The following ABCC9 variants were observed in gnomAD, a reference collection of about 807,000 sequenced individuals.
The protein encoded by ABCC9 is ATP-binding cassette sub-family C member 9.
Under a neutral mutation model 188.3 loss-of-function variants are expected in ABCC9, and 95 were observed. That is an observed-to-expected ratio of 0.50 (90% CI 0.43 to 0.60). The LOEUF (loss-of-function observed/expected upper bound fraction) is 0.60, where lower values mean the gene tolerates loss of function less well. Among genes scored for constraint, ABCC9 ranks in the 20% least tolerant of loss-of-function variants. The probability of loss-of-function intolerance (pLI) is 0.00; values close to 1 mark genes in which losing one functional copy is unlikely to be tolerated. For synonymous variants in ABCC9, 659 were observed against 652.7 expected (o/e 1.01, Z -0.15); for missense variants, 1,102 against 1,876.3 (o/e 0.59, Z 7.62).
At chr12:21,854,392 G>T (rs1403966999) in intron 22 of ABCC9, among the ~76,000 whole-genome samples, 1 of 152,152 alleles carries the variant, frequency 6.6e-6, no homozygotes, top group Non-Finnish European at 1.5e-5. Context: ...TAGTTAAAGG[G>T]TAATTAAGAA....
At chr12:21,811,377 G>C (rs1942227536) in intron 36 of ABCC9, among the ~76,000 whole-genome samples, 1 of 152,100 alleles carries the variant, frequency 6.6e-6, no homozygotes. Flanking sequence ...TGCCAACATG[G>C]ACTTTGGAAT....
intron 18 of ABCC9, among the ~76,000 whole-genome samples, chr12:21,866,267 G>T (rs1945773260): frequency 6.6e-6 from 1 of 152,052 alleles, no homozygotes; most frequent in Admixed American, 6.6e-5. Context: ...AAAAGTAAAA[G>T]AAAACTACTG....
intron 12 of ABCC9, among the ~76,000 whole-genome samples, chr12:21,905,274 G>A (rs1295404890): frequency 1.3e-5 from 2 of 151,998 alleles, no homozygotes; most frequent in Admixed American, 1.3e-4. Flanking sequence ...TGGGGTGTGG[G>A]GAGAGGGGAG....
intron 16 of ABCC9, among the ~76,000 whole-genome samples, chr12:21,876,710 G>C (rs1433765272): frequency 6.6e-6 from 1 of 152,160 alleles, no homozygotes; most frequent in Non-Finnish European, 1.5e-5. Context: ...CAGATGAGGG[G>C]AGGAAAGGCT....
chr12:21,825,366 C>A (rs1591992977), intron 31 of ABCC9, among the ~76,000 whole-genome samples: 1 of 152,138 alleles, frequency 6.6e-6, no homozygotes, highest in African/African-American at 2.4e-5. Context: ...CAGCACTGCT[C>A]ACAATAGCAG....
At chr12:21,908,543 G>C (rs1160120688) in intron 10 of ABCC9, among the ~76,000 whole-genome samples, 1 of 151,934 alleles carries the variant, frequency 6.6e-6, no homozygotes. Flanking sequence ...GTAGTCTTCA[G>C]ATTTTTAAAA....
intron 4 of ABCC9, among the ~76,000 whole-genome samples, chr12:21,927,886 A>T (rs1272389263): frequency 6.6e-6 from 1 of 152,164 alleles, no homozygotes; most frequent in Non-Finnish European, 1.5e-5. Flanking sequence ...TCAGTACAGA[A>T]ATTAGGAAAT....
Position 21,814,526 on chromosome 12 carries a change from T to G in ABCC9, c.4102+118A>C, listed in dbSNP as rs546852989. 8.5e-6 allele frequency: 7 copies of G among 823,322 alleles called. No individual in the cohort carries two copies. In the East Asian group the frequency reaches 1.6e-4, roughly 19 times the overall value. 51.0% of individuals were successfully genotyped at this position (823,322 alleles called of 1,614,324 possible). ...TTTGGGATATCTGCCTTGAACCATG[T>G]GTAGAGCACAAAGTCCTTATAAATA... On this transcript the variant is annotated intron_variant, in intron 35 of 39. Coordinates refer to ENST00000261200, the MANE Select transcript of ABCC9 (RefSeq NM_020297.4).
chr12:21,924,909 T>C (rs1205652547), intron 5 of ABCC9: 1 of 152,158 alleles, frequency 6.6e-6, no homozygotes, highest in African/African-American at 2.4e-5. Flanking sequence ...AGATTGCCTT[T>C]AACAATCATA....
In ABCC9 at chr12:21,799,108, G is replaced by C; in HGVS notation, c.*1936C>G. On this transcript the variant is annotated 3_prime_UTR_variant, in exon 40 of 40. Coordinates refer to ENST00000261200, the MANE Select transcript of ABCC9 (RefSeq NM_020297.4). ...TCTGGGGACTGTGGTGGGGTGGGGG[G>C]AGTGGGGAGGGATAGCATTGGGAGA... is the stretch of plus-strand genomic sequence containing the variant. 6.8e-6 allele frequency: 1 copy of C among 146,586 alleles called. No individual in the cohort carries two copies. Among genetic ancestry groups the C allele is most frequent in the African/African-American group, 2.5e-5 (1 of 39,674 alleles). The allele number at this position is 146,586 out of a possible 1,614,324, so 9.1% of individuals were successfully genotyped here. A position where few individuals can be genotyped will look rare whatever the true frequency, so the allele number is the denominator to read the frequency against.
chr12:21,895,912 G>A (rs1947380406), intron 12 of ABCC9, among the ~76,000 whole-genome samples: 1 of 151,914 alleles, frequency 6.6e-6, no homozygotes, highest in South Asian at 2.1e-4. Flanking sequence ...ATTTTAGCTT[G>A]AAATACTAGT....
At chr12:21,893,953 T>C (rs1947287199) in intron 14 of ABCC9, 79 bp downstream of exon 14, 2 of 1,444,610 alleles carry the variant, frequency 1.4e-6, no homozygotes, top group African/African-American at 1.4e-5. Context: ...TTCTTTTTTA[T>C]ATTTTTTCAA....
chr12:21,815,576 G>A lies in ABCC9; in HGVS notation c.4023+187C>T, dbSNP rs376425447. Among the ~76,000 whole-genome samples the A allele has an allele frequency of 7.9e-5, 12 of 152,088 alleles. No individual in the cohort carries two copies. In the East Asian group the frequency reaches 9.6e-4, roughly 12 times the overall value. On this transcript the variant is annotated intron_variant, in intron 34 of 39. Coordinates refer to ENST00000261200, the MANE Select transcript of ABCC9 (RefSeq NM_020297.4). ...ATGGGAGACTAGTGAATTACAATAT[G>A]ACTTGGAGAACATGTACTGTAGTCT...
At chr12:21,827,007 G>T in intron 31 of ABCC9, 1 of 491,032 alleles carries the variant, frequency 2.0e-6, no homozygotes, top group Non-Finnish European at 2.6e-6. Flanking sequence ...TGAATGGCCT[G>T]TTCTGCCCTT....
intron 12 of ABCC9, among the ~76,000 whole-genome samples, chr12:21,898,937 T>G (rs1012118906): frequency 2.0e-5 from 3 of 152,218 alleles, no homozygotes; most frequent in Non-Finnish European, 4.4e-5. Context: ...AATGGTATTT[T>G]TTTCTCCTCA....
At chr12:21,892,245 GACACC>G (rs543304071) in intron 14 of ABCC9, among the ~76,000 whole-genome samples, 2,725 of 152,236 alleles carry the variant, frequency 0.018, 42 homozygotes, top group Middle Eastern at 0.058. Flanking sequence ...GGATTGGAGG[GACACC>G]CCTAGATTGT....
At chr12:21,852,550 G>T in intron 22 of ABCC9, 45 bp from the exon 23 acceptor site, 3 of 1,598,188 alleles carry the variant, frequency 1.9e-6, no homozygotes, top group Non-Finnish European at 2.6e-6. Flanking sequence ...TTCTATACTT[G>T]TTACATAACT....
At chr12:21,819,666 C>T (rs969247560) in intron 31 of ABCC9, among the ~76,000 whole-genome samples, 7 of 152,182 alleles carry the variant, frequency 4.6e-5, no homozygotes, top group African/African-American at 1.7e-4. Flanking sequence ...TTAGATTTCT[C>T]CATCTCCACA....
At chr12:21,846,279 A>G (rs1458184370) in intron 25 of ABCC9, among the ~76,000 whole-genome samples, 4 of 152,218 alleles carry the variant, frequency 2.6e-5, no homozygotes, top group East Asian at 1.9e-4. Context: ...TATGGCCCCA[A>G]GGAGGAAACT....
Sources: gnomAD v4.1 joint callset for allele counts (sites outside exome capture counted in the v4.1 genomes callset) on GRCh38, gnomAD v4.1.1 for gene constraint, MANE v1.5 for transcripts, NCBI Gene and HGNC (gene_info 2026-07-23, HGNC 2026-07-21) for gene names.